LY86: variants seen among roughly 807,000 people sequenced by gnomAD.
The protein encoded by LY86 is MD-1, RP105-associated.
LY86 carries 20 observed loss-of-function variants against 17.3 expected under a neutral mutation model. The observed-to-expected ratio is 1.15, with a 90% CI of 0.81 to 1.68. The LOEUF (loss-of-function observed/expected upper bound fraction) is 1.68, where lower values mean the gene tolerates loss of function less well. LY86 is among the 40% of genes most tolerant of loss of function. The probability of loss-of-function intolerance (pLI) is 0.00; values close to 1 mark genes in which losing one functional copy is unlikely to be tolerated. For synonymous variants in LY86, 74 were observed against 70.6 expected (o/e 1.05, Z -0.24); for missense variants, 200 against 191.9 (o/e 1.04, Z -0.25).
intron 1 of LY86, among the ~76,000 whole-genome samples, chr6:6,603,615 C>CAACAAAAAAAAAAA (rs1760990955): frequency 1.8e-5 from 2 of 114,170 alleles, no homozygotes; most frequent in Admixed American, 8.9e-5. Context: ...GAAAAAAAAA[C>CAACAAAAAAAAAAA]AAACAAAAAA....
At chr6:6,645,922 C>G (rs1421800325) in intron 3 of LY86, among the ~76,000 whole-genome samples, 1 of 152,110 alleles carries the variant, frequency 6.6e-6, no homozygotes, top group South Asian at 2.1e-4. Context: ...CTGATGAGTT[C>G]TGCTTCTCTT....
At chr6:6,652,517 A>G (rs907487050) in intron 4 of LY86, among the ~76,000 whole-genome samples, 2 of 152,174 alleles carry the variant, frequency 1.3e-5, no homozygotes, top group Admixed American at 1.3e-4. Flanking sequence ...GCCCGGATTG[A>G]AGCCCTACCT....
At chr6:6,649,788 A>G in intron 4 of LY86, 111 bp downstream of exon 4, 1 of 714,518 alleles carries the variant, frequency 1.4e-6, no homozygotes, top group Non-Finnish European at 2.4e-6. Context: ...GGAAAGAATT[A>G]AACAGTTTAA....
intron 1 of LY86, among the ~76,000 whole-genome samples, chr6:6,604,437 T>C (rs1761030363): frequency 6.6e-6 from 1 of 151,978 alleles, no homozygotes; most frequent in Admixed American, 6.6e-5. Flanking sequence ...CATTTAATTG[T>C]TGAAATGAAA....
At chr6:6,590,191 C>G (rs111462221) in intron 1 of LY86, among the ~76,000 whole-genome samples, 3 of 151,398 alleles carry the variant, frequency 2.0e-5, no homozygotes, top group South Asian at 2.1e-4. Context: ...TAGTCCCCCC[C>G]CAGTCTGCTA....
rs570496364 is a variant in LY86 at position 6,617,822 on chromosome 6, G to C, written c.137-7104G>C. Reference sequence around the variant, plus strand: ...TGCACTTAGTGCATTTGGTTTTTTTGTTTTGTTTTGTTTTTTGTTTGTTTG... The same window carrying C: ...TGCACTTAGTGCATTTGGTTTTTTTCTTTTGTTTTGTTTTTTGTTTGTTTG... On this transcript the variant is annotated intron_variant, in intron 1 of 4. Coordinates refer to ENST00000230568, the MANE Select transcript of LY86 (RefSeq NM_004271.4). 1.6e-4 allele frequency among the ~76,000 whole-genome samples: 25 copies of C among 152,120 alleles called. 1 individual carries two copies. In the South Asian group the frequency reaches 4.8e-3, roughly 29 times the overall value.
intron 3 of LY86, among the ~76,000 whole-genome samples, chr6:6,643,947 G>A (rs1762075061): frequency 6.6e-6 from 1 of 152,220 alleles, no homozygotes; most frequent in Admixed American, 6.5e-5. Context: ...GACTCAAAAT[G>A]CTAGGTAAAT....
intron 4 of LY86, among the ~76,000 whole-genome samples, chr6:6,650,549 G>A (rs1762173248): frequency 6.6e-6 from 1 of 152,050 alleles, no homozygotes; most frequent in East Asian, 1.9e-4. Context: ...TGGCCAGGTT[G>A]GTCTCGAACT....
At chr6:6,624,154 A>C (rs1244985285) in intron 1 of LY86, among the ~76,000 whole-genome samples, 1 of 152,108 alleles carries the variant, frequency 6.6e-6, no homozygotes, top group Non-Finnish European at 1.5e-5. Flanking sequence ...GTATGTTGCC[A>C]CTCTGGCCTC....
intron 1 of LY86, among the ~76,000 whole-genome samples, chr6:6,594,741 C>T (rs555380664): frequency 3.9e-5 from 6 of 152,194 alleles, no homozygotes; most frequent in Non-Finnish European, 8.8e-5. Flanking sequence ...TAACCTCTCC[C>T]TTCTGCATGC....
In LY86 at chr6:6,612,484, G is replaced by C. The variant is rs35537820; in HGVS notation, c.137-12442G>C. On this transcript the variant is annotated intron_variant, in intron 1 of 4. Coordinates refer to ENST00000230568, the MANE Select transcript of LY86 (RefSeq NM_004271.4). ...TTCATAAAAGCAATGCAGACCCAAA[G>C]TGTAAACAACAAAAACACTTACTGC... is the stretch of plus-strand genomic sequence containing the variant. Among the ~76,000 whole-genome samples the C allele has an allele frequency of 5.9e-5, 9 of 152,012 alleles. No homozygotes were observed. The East Asian group carries it at 1.4e-3, about 23-fold the overall frequency.
chr6:6,601,720 GAAAA>G (rs562610253), intron 1 of LY86, among the ~76,000 whole-genome samples: 1 of 142,830 alleles, frequency 7.0e-6, no homozygotes, highest in African/African-American at 2.5e-5. Flanking sequence ...ACACTGTCTC[GAAAA>G]AAAAAGAAAA....
intron 1 of LY86, among the ~76,000 whole-genome samples, chr6:6,613,956 C>T (rs1439923784): frequency 2.0e-5 from 3 of 152,240 alleles, no homozygotes; most frequent in Non-Finnish European, 2.9e-5. Context: ...GTTTTTAGCT[C>T]ATTCTCAAAT....
intron 1 of LY86, among the ~76,000 whole-genome samples, chr6:6,618,338 G>A (rs1761600612): frequency 6.6e-6 from 1 of 152,096 alleles, no homozygotes; most frequent in African/African-American, 2.4e-5. Context: ...CCAAACTTAG[G>A]TTATTCTGAG....
chr6:6,640,407 A>AT (rs1339354353), intron 3 of LY86, among the ~76,000 whole-genome samples: 7 of 149,476 alleles, frequency 4.7e-5, no homozygotes, highest in African/African-American at 1.7e-4. Context: ...AAAAATAAAA[A>AT]TAAAAAAAAA....
At chr6:6,599,154 A>C (rs1760819286) in intron 1 of LY86, among the ~76,000 whole-genome samples, 1 of 152,216 alleles carries the variant, frequency 6.6e-6, no homozygotes. Flanking sequence ...CCAAATAACT[A>C]AGAATGAGGC....
intron 1 of LY86, among the ~76,000 whole-genome samples, chr6:6,606,931 G>A (rs972315786): frequency 4.3e-4 from 66 of 152,388 alleles, no homozygotes; most frequent in African/African-American, 1.4e-3. Flanking sequence ...CACCGAGGCC[G>A]AGGAGGCGCT....
chr6:6,613,356 G>T (rs1184654478), intron 1 of LY86, among the ~76,000 whole-genome samples: 2 of 152,214 alleles, frequency 1.3e-5, no homozygotes, highest in Admixed American at 6.5e-5. Context: ...GGCTTGGCCT[G>T]CTCATAAGCT....
At chr6:6,591,558 T>C (rs897055576) in intron 1 of LY86, 2 of 153,862 alleles carry the variant, frequency 1.3e-5, no homozygotes, top group South Asian at 2.1e-4. Context: ...CTCATGTTGG[T>C]GGAGGCCACC....
Sources: gnomAD v4.1 joint callset for allele counts (sites outside exome capture counted in the v4.1 genomes callset) on GRCh38, gnomAD v4.1.1 for gene constraint, MANE v1.5 for transcripts, NCBI Gene and HGNC (gene_info 2026-07-23, HGNC 2026-07-21) for gene names.